Variants in ERICH6B observed in about 807,000 individuals in gnomAD.
ERICH6B encodes the protein glutamate rich 6B.
Under a neutral mutation model 80.0 loss-of-function variants are expected in ERICH6B, and 69 were observed. The ratio of observed to expected loss-of-function variants is 0.86; its 90% CI spans 0.71 to 1.05. The LOEUF is 1.05. Among genes scored for constraint, ERICH6B ranks in the 50% least tolerant of loss-of-function variants. The pLI is 0.00. For synonymous variants in ERICH6B, 283 were observed against 291.9 expected (o/e 0.97, Z 0.31); for missense variants, 754 against 796.1 (o/e 0.95, Z 0.64).
chr13:45,600,746 G>A (rs780515643), intron 2 of ERICH6B, among the ~76,000 whole-genome samples: 16 of 152,132 alleles, frequency 1.1e-4, no homozygotes, highest in Admixed American at 9.8e-4. Context: ...TTGATCATCC[G>A]TTGGTGGACA....
intron 7 of ERICH6B, among the ~76,000 whole-genome samples, chr13:45,576,707 T>G (rs1875420210): frequency 6.7e-6 from 1 of 150,100 alleles, no homozygotes; most frequent in Admixed American, 6.6e-5. Context: ...ATTGCCATAT[T>G]TTAGTAGTTT....
chr13:45,545,014 C>T (rs1873937940), intron 13 of ERICH6B, 29 bp from the exon 14 acceptor site: 2 of 1,537,068 alleles, frequency 1.3e-6, no homozygotes, highest in Admixed American at 2.0e-5. Flanking sequence ...TGTCAGGCAG[C>T]CAGGGCGCTC....
intron 10 of ERICH6B, among the ~76,000 whole-genome samples, chr13:45,562,863 G>C (rs902230363): frequency 6.6e-6 from 1 of 152,186 alleles, no homozygotes; most frequent in Non-Finnish European, 1.5e-5. Flanking sequence ...GTTAGGTCAG[G>C]GGCATGAATT....
chr13:45,563,660 G>T, intron 10 of ERICH6B, 67 bp downstream of exon 10: 1 of 1,370,872 alleles, frequency 7.3e-7, no homozygotes, highest in Non-Finnish European at 1.0e-6. Context: ...ACATGCAGAA[G>T]GGGAGAGGCG....
chr13:45,569,167 C>T (rs1325231189), intron 8 of ERICH6B, among the ~76,000 whole-genome samples: 1 of 152,040 alleles, frequency 6.6e-6, no homozygotes, highest in Non-Finnish European at 1.5e-5. Context: ...ACTCTGTTGC[C>T]CAGGCTGGAG....
In ERICH6B at chr13:45,596,849, C is replaced by T. The variant is rs756516126; in HGVS notation, c.157G>A (p.Gly53Arg). The change falls in exon 3 of 15, where the codon GGA (glycine) becomes AGA (arginine). Residue 53 changes from glycine (G) to arginine (R), a missense_variant. Transcript: ENST00000298738. ...LQDESPFSPE[G>R]ESLEDKEYLE... The stretch of plus-strand genomic sequence containing the variant: ...TACTCTTTGTCCTCCAGAGACTCTC[C>T]CTCTGGAGAAAATGGAGATTCATCC... 16 of 1,551,674 alleles carry T rather than the reference C, an allele frequency of 1.0e-5. No homozygotes were observed. The highest frequency in any genetic ancestry group is 1.3e-5 in the Non-Finnish European group (15 of 1,147,004).
chr13:45,606,545 ATATTTTTTT>A (rs1409521277), intron 2 of ERICH6B, among the ~76,000 whole-genome samples: 2 of 12,776 alleles, frequency 1.6e-4, no homozygotes, highest in East Asian at 3.8e-3. Context: ...ATATATATAT[ATATTTTTTT>A]TTTTTTTTTT....
intron 4 of ERICH6B, among the ~76,000 whole-genome samples, chr13:45,588,972 C>T (rs1047717285): frequency 9.2e-5 from 14 of 152,080 alleles, no homozygotes; most frequent in Middle Eastern, 3.4e-3. Context: ...GGAGGACCTT[C>T]GGTAAGTGGG....
chr13:45,562,294 G>T (rs116903649), intron 10 of ERICH6B, among the ~76,000 whole-genome samples: 1 of 152,154 alleles, frequency 6.6e-6, no homozygotes, highest in Non-Finnish European at 1.5e-5. Flanking sequence ...CGTCTCAGCT[G>T]CCCAAAGTGT....
intron 3 of ERICH6B, among the ~76,000 whole-genome samples, chr13:45,593,877 A>C (rs1041735172): frequency 6.6e-6 from 1 of 152,222 alleles, no homozygotes; most frequent in African/African-American, 2.4e-5. Flanking sequence ...TCAGCATGAG[A>C]GATAAGCCCA....
intron 5 of ERICH6B, among the ~76,000 whole-genome samples, chr13:45,586,381 C>T (rs1298634441): frequency 3.3e-5 from 5 of 152,066 alleles, no homozygotes; most frequent in African/African-American, 4.8e-5. Context: ...AGTGATGGAT[C>T]GATCCCACTA....
chr13:45,576,675 C>G (rs947307409), intron 7 of ERICH6B, among the ~76,000 whole-genome samples: 3 of 152,114 alleles, frequency 2.0e-5, no homozygotes, highest in African/African-American at 7.2e-5. Context: ...CCTGGTAACT[C>G]AGCAACTTCC....
At chr13:45,542,032 C>T (rs1237620040) in intron 14 of ERICH6B, among the ~76,000 whole-genome samples, 1 of 152,184 alleles carries the variant, frequency 6.6e-6, no homozygotes, top group African/African-American at 2.4e-5. Context: ...ACCATGGGGC[C>T]CTGCAAGAGC....
At chr13:45,568,480 CA>C (rs1566292488) in intron 8 of ERICH6B, 29 bp from the exon 9 acceptor site, 6 of 1,460,862 alleles carry the variant, frequency 4.1e-6, no homozygotes, top group Non-Finnish European at 5.4e-6. Context: ...ATGAAATATT[CA>C]GAAAATGGAA....
intron 1 of ERICH6B, among the ~76,000 whole-genome samples, chr13:45,613,641 TGG>T (rs917591577): frequency 5.3e-5 from 8 of 152,128 alleles, no homozygotes; most frequent in African/African-American, 1.9e-4. Flanking sequence ...GCTTGGGACT[TGG>T]GGTGTGCTGC....
At chr13:45,603,493 G>A (rs893922434) in intron 2 of ERICH6B, among the ~76,000 whole-genome samples, 1 of 152,206 alleles carries the variant, frequency 6.6e-6, no homozygotes, top group East Asian at 1.9e-4. Context: ...ATGTCCTCCC[G>A]ACTCTTCTCC....
rs9595347 is a variant in ERICH6B at position 45,611,589 on chromosome 13, A to T, written c.-110-3974T>A. ...CTAGAGCTTTCACTACCCATGACAA[A>T]CAGGGCATTGTTCTTAGAGTCATAG... On this transcript the variant is annotated intron_variant, in intron 1 of 14. Coordinates refer to ENST00000298738, the MANE Select transcript of ERICH6B (RefSeq NM_182542.3). 4.4e-3 allele frequency among the ~76,000 whole-genome samples: 670 copies of T among 152,310 alleles called. 3 individuals carry two copies. Among genetic ancestry groups the T allele is most frequent in the African/African-American group, 0.015 (616 of 41,576 alleles).
chr13:45,600,809 C>A (rs1169536146), intron 2 of ERICH6B, among the ~76,000 whole-genome samples: 1 of 152,180 alleles, frequency 6.6e-6, no homozygotes, highest in Admixed American at 6.5e-5. Context: ...GATAAACATA[C>A]AGTTGCAGGT....
chr13:45,550,601 G>A lies in ERICH6B; in HGVS notation c.1408-285C>T, dbSNP rs543333731. On this transcript the variant is annotated intron_variant, in intron 11 of 14. Transcript: ENST00000298738. Reference sequence around the variant, plus strand: ...GCTTGAACAAAGTCTCACAAACTGGGCATCTTAAAACTACAGAAATTTAAT... The same window carrying A: ...GCTTGAACAAAGTCTCACAAACTGGACATCTTAAAACTACAGAAATTTAAT... Among the ~76,000 whole-genome samples the A allele has an allele frequency of 1.6e-4, 24 of 152,294 alleles. 1 individual carries two copies. The South Asian group carries it at 4.6e-3, about 29-fold the overall frequency.
Sources: gnomAD v4.1 joint callset for allele counts (sites outside exome capture counted in the v4.1 genomes callset) on GRCh38, gnomAD v4.1.1 for gene constraint, MANE v1.5 for transcripts, NCBI Gene and HGNC (gene_info 2026-07-23, HGNC 2026-07-21) for gene names.